Variants in LIMCH1 observed in about 807,000 individuals in gnomAD.
LIMCH1 encodes LIM and calponin homology domains 1, also known as LIM and calponin homology domains-containing protein 1.
A neutral mutation model predicts 176.5 loss-of-function variants in LIMCH1; 113 were observed. The ratio of observed to expected loss-of-function variants is 0.64; its 90% CI spans 0.55 to 0.75. LIMCH1 has a LOEUF of 0.75. Ranked by LOEUF, LIMCH1 falls within the 30% of genes least tolerant of loss-of-function variation. LIMCH1 has a pLI of 0.00. For missense variants in LIMCH1, 1,674 were observed against 1,814.9 expected (o/e 0.92, Z 1.41); for synonymous variants, 619 against 645.9 (o/e 0.96, Z 0.63).
At chr4:41,560,958 C>T (rs1421038212) in intron 1 of LIMCH1, among the ~76,000 whole-genome samples, 3 of 151,182 alleles carry the variant, frequency 2.0e-5, no homozygotes, top group African/African-American at 7.3e-5. Context: ...TCAAGGCTGC[C>T]GTGAGCCATG....
intron 31 of LIMCH1, chr4:41,693,484 A>C (rs1398856810): frequency 6.6e-6 from 1 of 151,740 alleles, no homozygotes; most frequent in African/African-American, 2.4e-5. Flanking sequence ...AACAGTTCCA[A>C]CTTAGAGCCG....
chr4:41,547,114 A>G (rs78119744), intron 1 of LIMCH1, among the ~76,000 whole-genome samples: 2,562 of 152,342 alleles, frequency 0.017, 71 homozygotes, highest in African/African-American at 0.058. Context: ...GAATGATCAA[A>G]TCAGGCTAAT....
At chr4:41,433,047 A>G (rs2061737380) in intron 1 of LIMCH1, among the ~76,000 whole-genome samples, 1 of 152,252 alleles carries the variant, frequency 6.6e-6, no homozygotes, top group African/African-American at 2.4e-5. Flanking sequence ...TATGCAAGAC[A>G]GTGGTCCAGT....
chr4:41,646,397 T>G, intron 16 of LIMCH1, 88 bp from the exon 17 acceptor site: 1 of 1,520,464 alleles, frequency 6.6e-7, no homozygotes, highest in Non-Finnish European at 8.9e-7. Flanking sequence ...CCCTGTACTA[T>G]CTCTTCAGTG....
At chr4:41,681,460 G>A (rs980434122) in intron 25 of LIMCH1, among the ~76,000 whole-genome samples, 6 of 152,040 alleles carry the variant, frequency 3.9e-5, no homozygotes, top group African/African-American at 1.4e-4. Flanking sequence ...TCCATTGTTT[G>A]GCAGTAGCAA....
chr4:41,680,173 T>C, intron 24 of LIMCH1, 75 bp downstream of exon 24: 1 of 1,011,576 alleles, frequency 9.9e-7, no homozygotes, highest in South Asian at 1.4e-5. Context: ...TCTGTGTCTG[T>C]GGCATGCGGA....
At chr4:41,613,415 T>C (rs1180486290) in intron 4 of LIMCH1, 51 bp from the exon 5 acceptor site, 4 of 1,503,130 alleles carry the variant, frequency 2.7e-6, no homozygotes, top group African/African-American at 1.4e-5. Context: ...ATCTTCCTGA[T>C]AGTGTAGGCT....
At chr4:41,401,465 T>C (rs1368191091) in intron 1 of LIMCH1, among the ~76,000 whole-genome samples, 1 of 152,224 alleles carries the variant, frequency 6.6e-6, no homozygotes, top group Non-Finnish European at 1.5e-5. Flanking sequence ...TCAGGTAGCA[T>C]GATGCCTCCA....
intron 2 of LIMCH1, among the ~76,000 whole-genome samples, chr4:41,510,512 C>T (rs1026218349): frequency 6.6e-6 from 1 of 152,180 alleles, no homozygotes; most frequent in Non-Finnish European, 1.5e-5. Context: ...CTCTGCCTCA[C>T]CTGTTCTGAA....
At chr4:41,614,269 G>A (rs958370319) in intron 5 of LIMCH1, among the ~76,000 whole-genome samples, 50 of 152,158 alleles carry the variant, frequency 3.3e-4, no homozygotes, top group African/African-American at 1.2e-3. Context: ...TAAACCCTAT[G>A]GGTTTTATAT....
Position 41,613,645 on chromosome 4 carries a change from C to T in LIMCH1, c.189C>T (p.Leu63=). The T allele has an allele frequency of 1.2e-6, 2 of 1,614,016 alleles. No individual in the cohort carries two copies. Among genetic ancestry groups the T allele is most frequent in the Non-Finnish European group, 1.7e-6 (2 of 1,179,892 alleles). Reference sequence around the variant, plus strand: ...AGACGCCTTCACCAGATGTAGTCCTCAGGGGAAGCAGCGATGGTAGGTTGG... The same window carrying T: ...AGACGCCTTCACCAGATGTAGTCCTTAGGGGAAGCAGCGATGGTAGGTTGG... ...SRQTPSPDVV[L]RGSSDGRGSD... Residue 63 remains leucine, a synonymous_variant, in exon 5 of 32, where the codon CTC becomes CTT. Coordinates refer to ENST00000503057, the MANE Select transcript of LIMCH1 (RefSeq NM_001330672.2).
At chr4:41,562,510 C>T (rs1224733811) in intron 1 of LIMCH1, among the ~76,000 whole-genome samples, 2 of 152,138 alleles carry the variant, frequency 1.3e-5, no homozygotes, top group Admixed American at 6.6e-5. Context: ...TGTTTTTGAC[C>T]TGTCATGAGA....
chr4:41,384,744 A>G (rs2056252355), intron 1 of LIMCH1, among the ~76,000 whole-genome samples: 2 of 152,198 alleles, frequency 1.3e-5, no homozygotes, highest in Non-Finnish European at 2.9e-5. Flanking sequence ...TTGTAGATAT[A>G]TTAAGTTTGA....
At chr4:41,467,205 A>T (rs80189048) in intron 1 of LIMCH1, among the ~76,000 whole-genome samples, 1 of 143,042 alleles carries the variant, frequency 7.0e-6, no homozygotes, top group African/African-American at 2.6e-5. Context: ...ACACACACAC[A>T]TTTTATTTAT....
chr4:41,587,828 G>A (rs4352505), intron 1 of LIMCH1, among the ~76,000 whole-genome samples: 53,085 of 152,062 alleles, frequency 0.35, 14,827 homozygotes, highest in African/African-American at 0.78. Context: ...GCACTGACTC[G>A]TCATCATTCT....
intron 1 of LIMCH1, among the ~76,000 whole-genome samples, chr4:41,560,463 T>C (rs2081924180): frequency 6.6e-6 from 1 of 152,188 alleles, no homozygotes; most frequent in African/African-American, 2.4e-5. Context: ...ATGGTGAAAA[T>C]CTAGGCTTCT....
chr4:41,632,273 G>A (rs930983209), intron 10 of LIMCH1, among the ~76,000 whole-genome samples: 1 of 152,182 alleles, frequency 6.6e-6, no homozygotes, highest in Non-Finnish European at 1.5e-5. Context: ...AGGAAGAAGT[G>A]TTCATAGCAT....
chr4:41,695,892 A>G (rs1730266807), intron 31 of LIMCH1, among the ~76,000 whole-genome samples: 1 of 152,144 alleles, frequency 6.6e-6, no homozygotes, highest in African/African-American at 2.4e-5. Context: ...AATATATCCA[A>G]GATGCAATAA....
chr4:41,524,554 T>C (rs2076434839), intron 3 of LIMCH1: 1 of 1,035,532 alleles, frequency 9.7e-7, no homozygotes, highest in Non-Finnish European at 1.5e-6. Context: ...CACCATTTAT[T>C]ACAGTTCTCT....
Sources: gnomAD v4.1 joint callset for allele counts (sites outside exome capture counted in the v4.1 genomes callset) on GRCh38, gnomAD v4.1.1 for gene constraint, MANE v1.5 for transcripts, NCBI Gene and HGNC (gene_info 2026-07-23, HGNC 2026-07-21) for gene names.